The following RBFOX1 variants were observed in gnomAD, a reference collection of about 807,000 sequenced individuals.
RBFOX1 encodes the protein RNA binding protein fox-1 homolog 1.
In RBFOX1, 8 loss-of-function variants were observed where a neutral mutation model predicts 57.7. The observed-to-expected ratio is 0.14, with a 90% CI of 0.08 to 0.25. The LOEUF (loss-of-function observed/expected upper bound fraction) is 0.25, where lower values mean the gene tolerates loss of function less well. Among genes scored for constraint, RBFOX1 ranks in the 10% least tolerant of loss-of-function variants. RBFOX1 has a pLI of 1.00. For missense variants in RBFOX1, 611 were observed against 548.5 expected (o/e 1.11, Z -1.14); for synonymous variants, 326 against 222.4 (o/e 1.47, Z -4.15).
intron 1 of RBFOX1, among the ~76,000 whole-genome samples, chr16:5,258,409 G>A (rs2062644143): frequency 1.5e-5 from 2 of 133,772 alleles, no homozygotes; most frequent in Non-Finnish European, 3.3e-5. Context: ...AAAAACATGA[G>A]GGCATTTTTT....
intron 3 of RBFOX1, among the ~76,000 whole-genome samples, chr16:6,934,222 C>G (rs2077011414): frequency 6.6e-6 from 1 of 152,172 alleles, no homozygotes; most frequent in South Asian, 2.1e-4. Context: ...TGCTATAGAA[C>G]TACAGAGCGG....
intron 2 of RBFOX1, among the ~76,000 whole-genome samples, chr16:5,471,612 C>A (rs1704036376): frequency 6.6e-6 from 1 of 152,158 alleles, no homozygotes; most frequent in Non-Finnish European, 1.5e-5. Context: ...AGGGCAGTTA[C>A]ATGGTCTGCC....
chr16:7,066,608 G>T (rs776981499), intron 4 of RBFOX1, among the ~76,000 whole-genome samples: 1 of 152,138 alleles, frequency 6.6e-6, no homozygotes, highest in Non-Finnish European at 1.5e-5. Context: ...TCATAAAGCG[G>T]GGGGTGTTTT....
At chr16:6,626,334 C>A (rs896205475) in intron 2 of RBFOX1, among the ~76,000 whole-genome samples, 17 of 152,082 alleles carry the variant, frequency 1.1e-4, no homozygotes, top group African/African-American at 4.1e-4. Flanking sequence ...AGAGAAGATC[C>A]ATGGTGTGGA....
At chr16:7,269,458 G>A (rs1368507993) in intron 4 of RBFOX1, among the ~76,000 whole-genome samples, 1 of 152,076 alleles carries the variant, frequency 6.6e-6, no homozygotes, top group Non-Finnish European at 1.5e-5. Flanking sequence ...ATGTGTGTTT[G>A]TGGGACAGAG....
intron 3 of RBFOX1, among the ~76,000 whole-genome samples, chr16:6,909,744 CT>C (rs1833757243): frequency 6.6e-6 from 1 of 152,078 alleles, no homozygotes; most frequent in African/African-American, 2.4e-5. Context: ...GTTGGTTTCA[CT>C]TTTTTTGGTG....
intron 3 of RBFOX1, among the ~76,000 whole-genome samples, chr16:6,715,296 C>A (rs2064568635): frequency 6.6e-6 from 1 of 150,980 alleles, no homozygotes; most frequent in Non-Finnish European, 1.5e-5. Flanking sequence ...TAACCCTGTT[C>A]TGTTGAATTA....
chr16:7,181,948 A>C (rs1171033058), intron 4 of RBFOX1, among the ~76,000 whole-genome samples: 48 of 152,208 alleles, frequency 3.2e-4, no homozygotes, highest in Non-Finnish European at 2.9e-5. Context: ...GAAATACAGG[A>C]AGGAAAAGGG....
intron 1 of RBFOX1, among the ~76,000 whole-genome samples, chr16:5,375,658 C>T (rs1420678387): frequency 6.6e-6 from 1 of 152,178 alleles, no homozygotes; most frequent in African/African-American, 2.4e-5. Context: ...TTATGAAGCA[C>T]CAACTATGTG....
chr16:6,552,855 T>C (rs1226332297), intron 2 of RBFOX1, among the ~76,000 whole-genome samples: 1 of 152,058 alleles, frequency 6.6e-6, no homozygotes, highest in Non-Finnish European at 1.5e-5. Flanking sequence ...AGAGTATGTC[T>C]GGCAGTATAT....
chr16:6,666,565 A>C, intron 3 of RBFOX1, among the ~76,000 whole-genome samples: 1 of 149,668 alleles, frequency 6.7e-6, no homozygotes, highest in East Asian at 2.0e-4. Context: ...AAAACAAATC[A>C]TGTCACTGAG....
intron 4 of RBFOX1, among the ~76,000 whole-genome samples, chr16:5,941,572 C>G (rs909148679): frequency 1.3e-5 from 2 of 151,944 alleles, no homozygotes; most frequent in Non-Finnish European, 2.9e-5. Context: ...ATTGTGCTTA[C>G]TTTGCACATA....
At position 5,566,903 on chromosome 16, in the gene RBFOX1, A is replaced by T. The variant is rs142698245; in HGVS notation, c.259-31999A>T. Among the ~76,000 whole-genome samples the T allele has an allele frequency of 2.5e-3, 379 of 152,252 alleles. 4 individuals carry two copies. The highest frequency in any genetic ancestry group is 8.7e-3 in the African/African-American group (361 of 41,534). On this transcript the variant is annotated intron_variant, in intron 2 of 2. Transcript: ENST00000585867. ...ACAGTGACTGGTCTGGACACCACATACCAAGTTGTTTTAGGTGACCTGGAT... is the reference window on the plus strand; with the variant it reads ...ACAGTGACTGGTCTGGACACCACATTCCAAGTTGTTTTAGGTGACCTGGAT...
chr16:7,031,788 A>G (rs1233986915), intron 3 of RBFOX1, among the ~76,000 whole-genome samples: 1 of 152,124 alleles, frequency 6.6e-6, no homozygotes, highest in African/African-American at 2.4e-5. Context: ...GAAGATGCAG[A>G]TGGCTTGTGT....
chr16:7,006,990 C>G (rs980074169), intron 3 of RBFOX1, among the ~76,000 whole-genome samples: 2 of 152,136 alleles, frequency 1.3e-5, no homozygotes, highest in African/African-American at 4.8e-5. Flanking sequence ...CATTTGGCAC[C>G]TTGAAATAAC....
intron 2 of RBFOX1, among the ~76,000 whole-genome samples, chr16:6,417,350 C>T (rs1318916435): frequency 6.7e-6 from 1 of 150,272 alleles, no homozygotes; most frequent in Admixed American, 6.7e-5. Flanking sequence ...GCCCTCTCTA[C>T]TGATTCTATG....
intron 14 of RBFOX1, among the ~76,000 whole-genome samples, chr16:7,696,741 T>C (rs1172534763): frequency 1.3e-5 from 2 of 152,048 alleles, no homozygotes; most frequent in African/African-American, 4.8e-5. Context: ...CTGTAATGAA[T>C]CAAAAAGCAG....
chr16:6,860,142 C>G (rs549692192), intron 3 of RBFOX1, among the ~76,000 whole-genome samples: 1 of 152,126 alleles, frequency 6.6e-6, no homozygotes, highest in Non-Finnish European at 1.5e-5. Flanking sequence ...CACTGCTTTC[C>G]TGGCATATGT....
At chr16:7,652,101 G>A (rs149410456) in intron 11 of RBFOX1, among the ~76,000 whole-genome samples, 17 of 151,954 alleles carry the variant, frequency 1.1e-4, no homozygotes, top group Admixed American at 5.9e-4. Context: ...CATCCTCTGC[G>A]GACACAGTTT....
Sources: allele counts gnomAD v4.1 joint callset (sites outside exome capture counted in the v4.1 genomes callset), GRCh38; gene constraint gnomAD v4.1.1; transcripts MANE v1.5; gene names NCBI Gene and HGNC (gene_info 2026-07-23, HGNC 2026-07-21).